Variants in MCHR2 observed in about 807,000 individuals in gnomAD.
MCHR2 encodes melanin concentrating hormone receptor 2, also known as melanin-concentrating hormone receptor 2.
A neutral mutation model predicts 24.8 loss-of-function variants in MCHR2; 15 were observed. That is an observed-to-expected ratio of 0.60 (90% CI 0.40 to 0.93). The LOEUF (loss-of-function observed/expected upper bound fraction) is 0.93, where lower values mean the gene tolerates loss of function less well. MCHR2 is among the 40% of genes least tolerant of loss of function. MCHR2 has a pLI of 0.00. For synonymous variants in MCHR2, 151 were observed against 147.6 expected, an observed-to-expected ratio of 1.02 and a Z score of -0.17; for missense variants, 386 against 408.7, an observed-to-expected ratio of 0.94 and a Z score of 0.48.
rs149233504 is a variant in MCHR2, at chr6:99,961,433, G to A, written c.-27-5259C>T. The stretch of plus-strand genomic sequence containing the variant: ...GTATGTTTACTGAGGCACTGTTCAC[G>A]GTAGCAAAGACTTGGAACCAACCCA... On this transcript the variant is annotated intron_variant, in intron 1 of 5. Coordinates refer to ENST00000281806, the MANE Select transcript of MCHR2 (RefSeq NM_001040179.2). Among the ~76,000 whole-genome samples, 636 of 152,102 alleles carry A rather than the reference G, an allele frequency of 4.2e-3. 6 individuals are homozygous for A. Among genetic ancestry groups the A allele is most frequent in the African/African-American group, 0.014 (595 of 41,498 alleles).
chr6:99,929,307 A>G (rs573863681), intron 5 of MCHR2, among the ~76,000 whole-genome samples: 1 of 151,594 alleles, frequency 6.6e-6, no homozygotes, highest in East Asian at 1.9e-4. Context: ...AAAAAAATGT[A>G]TATTCTGTTG....
chr6:99,957,992 T>C (rs1196022382), intron 1 of MCHR2, among the ~76,000 whole-genome samples: 1 of 151,970 alleles, frequency 6.6e-6, no homozygotes, highest in Non-Finnish European at 1.5e-5. Context: ...ACATACTACT[T>C]CTGAAATTTA....
chr6:99,928,000 A>G lies in MCHR2; in HGVS notation c.707+6398T>C, dbSNP rs144638503. On this transcript the variant is annotated intron_variant, in intron 5 of 5. Transcript: ENST00000281806. ...GTCATAGATAGCTCTTATGATTTTGAGATACATCCTATCAATACCTAATTT... is the reference window on the plus strand; with the variant it reads ...GTCATAGATAGCTCTTATGATTTTGGGATACATCCTATCAATACCTAATTT... 2.0e-3 allele frequency among the ~76,000 whole-genome samples: 309 copies of G among 152,318 alleles called. 2 individuals carry two copies. In the South Asian group the frequency reaches 0.026, roughly 13 times the overall value.
intron 1 of MCHR2, among the ~76,000 whole-genome samples, chr6:99,976,626 A>T (rs951818606): frequency 6.8e-6 from 1 of 147,078 alleles, no homozygotes; most frequent in Non-Finnish European, 1.5e-5. Context: ...GTGGAGCACC[A>T]CCTGTGGCTT....
chr6:99,960,169 G>C (rs561118670), intron 1 of MCHR2, among the ~76,000 whole-genome samples: 1 of 151,890 alleles, frequency 6.6e-6, no homozygotes, highest in Admixed American at 6.6e-5. Flanking sequence ...AGCCAGGAGA[G>C]AGTGGGATGA....
chr6:99,982,042 T>C (rs1224840712), intron 1 of MCHR2, among the ~76,000 whole-genome samples: 1 of 152,112 alleles, frequency 6.6e-6, no homozygotes, highest in African/African-American at 2.4e-5. Flanking sequence ...TCTAATTCCG[T>C]ACTCTAGATA....
chr6:99,928,767 G>A (rs1358246354), intron 5 of MCHR2, among the ~76,000 whole-genome samples: 1 of 151,992 alleles, frequency 6.6e-6, no homozygotes, highest in Admixed American at 6.5e-5. Context: ...TATCAATTTT[G>A]TTGATCATTT....
At position 99,920,897 on chromosome 6, in the gene MCHR2, G is replaced by T; in HGVS notation, c.*43C>A. On this transcript the variant is annotated 3_prime_UTR_variant, in exon 6 of 6. Transcript: ENST00000281806. ...CTGCCCTTTCTGATAATACCAGTAA[G>T]ATAGACAATCATGTCTAGACTCATG... 1 of 1,557,588 alleles carries T rather than the reference G, an allele frequency of 6.4e-7. No homozygotes were observed. The highest frequency in any genetic ancestry group is 8.8e-7 in the Non-Finnish European group (1 of 1,137,424).
intron 1 of MCHR2, among the ~76,000 whole-genome samples, chr6:99,976,443 C>T (rs906337613): frequency 6.6e-6 from 1 of 152,160 alleles, no homozygotes; most frequent in African/African-American, 2.4e-5. Context: ...GCATTAGTGT[C>T]CTAGGAGATG....
intron 1 of MCHR2, among the ~76,000 whole-genome samples, chr6:99,984,076 C>A (rs559673866): frequency 3.9e-5 from 6 of 152,046 alleles, no homozygotes; most frequent in South Asian, 4.1e-4. Context: ...AAAGGGTATT[C>A]ATTATCTTGC....
intron 4 of MCHR2, among the ~76,000 whole-genome samples, chr6:99,936,917 A>C (rs1180109655): frequency 6.6e-6 from 1 of 151,850 alleles, no homozygotes; most frequent in East Asian, 1.9e-4. Context: ...CCTTGTATAG[A>C]TATATCACTT....
intron 5 of MCHR2, among the ~76,000 whole-genome samples, chr6:99,925,790 TTTTG>T (rs1241525439): frequency 6.6e-6 from 1 of 151,512 alleles, no homozygotes; most frequent in Non-Finnish European, 1.5e-5. Context: ...TAGTTATTAT[TTTTG>T]TTTTTTTTGT....
At chr6:99,958,412 T>C (rs1775111768) in intron 1 of MCHR2, among the ~76,000 whole-genome samples, 1 of 152,056 alleles carries the variant, frequency 6.6e-6, no homozygotes, top group African/African-American at 2.4e-5. Flanking sequence ...AAACTCCATG[T>C]GACTTAAAAA....
chr6:99,930,837 A>G (rs890552739), intron 5 of MCHR2, among the ~76,000 whole-genome samples: 2 of 152,068 alleles, frequency 1.3e-5, no homozygotes, highest in African/African-American at 2.4e-5. Flanking sequence ...TCTTCTCTCA[A>G]CTCGTCAAAG....
intron 1 of MCHR2, among the ~76,000 whole-genome samples, chr6:99,978,290 G>T (rs143524652): frequency 1.3e-5 from 2 of 151,980 alleles, no homozygotes; most frequent in Non-Finnish European, 2.9e-5. Flanking sequence ...ATGAAGTATT[G>T]TATTCAATGC....
intron 1 of MCHR2, among the ~76,000 whole-genome samples, chr6:99,985,988 A>G (rs537480543): frequency 9.2e-5 from 14 of 152,262 alleles, no homozygotes; most frequent in African/African-American, 2.9e-4. Flanking sequence ...AAAAAACTCA[A>G]ATAACCCTAT....
intron 1 of MCHR2, among the ~76,000 whole-genome samples, chr6:99,959,268 G>T (rs956119868): frequency 6.6e-6 from 1 of 152,014 alleles, no homozygotes; most frequent in Non-Finnish European, 1.5e-5. Flanking sequence ...CAGGAAAAAA[G>T]AAATTGGTAA....
At chr6:99,976,065 AAC>A (rs1775542988) in intron 1 of MCHR2, among the ~76,000 whole-genome samples, 1 of 152,188 alleles carries the variant, frequency 6.6e-6, no homozygotes, top group Admixed American at 6.5e-5. Context: ...CTTTAGGAAA[AAC>A]ACAAATTTAC....
At chr6:99,956,219 A>G (rs202137297) in intron 1 of MCHR2, 45 bp from the exon 2 acceptor site, 4 of 1,298,704 alleles carry the variant, frequency 3.1e-6, no homozygotes, top group Non-Finnish European at 4.2e-6. Context: ...CATTCCCTCA[A>G]TATAACTTCC....
Sources: allele counts gnomAD v4.1 joint callset (sites outside exome capture counted in the v4.1 genomes callset), GRCh38; gene constraint gnomAD v4.1.1; transcripts MANE v1.5; gene names NCBI Gene and HGNC (gene_info 2026-07-23, HGNC 2026-07-21).